ZZEF1: variants seen among roughly 807,000 people sequenced by gnomAD.
ZZEF1 encodes zinc finger ZZ-type and EF-hand domain-containing protein 1.
Under a neutral mutation model 342.8 loss-of-function variants are expected in ZZEF1, and 157 were observed. That is an observed-to-expected ratio of 0.46 (90% CI 0.40 to 0.52). The LOEUF (loss-of-function observed/expected upper bound fraction) is 0.52. Ranked by LOEUF, ZZEF1 falls within the 20% of genes least tolerant of loss-of-function variation. The probability of loss-of-function intolerance (pLI) is 0.00; values close to 1 mark genes in which losing one functional copy is unlikely to be tolerated. For synonymous variants in ZZEF1, 1,505 were observed against 1,429.1 expected (o/e 1.05, Z -1.20); for missense variants, 3,480 against 3,725.6 (o/e 0.93, Z 1.72).
chr17:4,034,233 G>A lies in ZZEF1; in HGVS notation c.6366C>T (p.Val2122=). Reference sequence around the variant, plus strand: ...CATTCAGGTGGCCTGCGTTTGAGATGACAACCTGAAACATGAGTGGAAGGA... The same window carrying A: ...CATTCAGGTGGCCTGCGTTTGAGATAACAACCTGAAACATGAGTGGAAGGA... The part of the protein sequence containing the change: ...EHVLPLMFQV[V]ISNAGHLNET... Residue 2122 remains valine (V), a synonymous_variant, in exon 40 of 55, where the codon GTC becomes GTT. Transcript: ENST00000381638. 1 of 1,614,216 alleles carries A rather than the reference G, an allele frequency of 6.2e-7. No homozygotes were observed. Among genetic ancestry groups the A allele is most frequent in the Non-Finnish European group, 8.5e-7 (1 of 1,180,038 alleles).
At position 4,136,648 on chromosome 17, in the gene ZZEF1, A is replaced by G. The variant is rs2145614097; in HGVS notation, c.354+5894T>C. ...AAACCCGCTGATGCCATTACAGGCTAATTACACACCCGTCCAGGTTGCTAT... is the reference window on the plus strand; with the variant it reads ...AAACCCGCTGATGCCATTACAGGCTGATTACACACCCGTCCAGGTTGCTAT... On this transcript the variant is annotated intron_variant, in intron 1 of 54. Transcript: ENST00000381638. Among the ~76,000 whole-genome samples, 4 of 152,220 alleles carry G rather than the reference A, an allele frequency of 2.6e-5. No homozygotes were observed. The Middle Eastern group carries it at 0.01, about 388-fold the overall frequency.
chr17:4,075,561 T>C (rs1429090867), intron 21 of ZZEF1, 132 bp from the exon 22 acceptor site: 2 of 958,752 alleles, frequency 2.1e-6, no homozygotes, highest in African/African-American at 1.6e-5. Flanking sequence ...GCAGGCAGGC[T>C]CGAAGACAAA....
chr17:4,064,987 C>T (rs1231103692), intron 28 of ZZEF1, among the ~76,000 whole-genome samples, 158 bp from the exon 29 acceptor site: 2 of 151,744 alleles, frequency 1.3e-5, no homozygotes, highest in South Asian at 2.1e-4. Context: ...TGTAACAAAC[C>T]GGCACGTTGT....
At chr17:4,015,755 C>T (rs2056083607) in intron 49 of ZZEF1, among the ~76,000 whole-genome samples, 1 of 152,194 alleles carries the variant, frequency 6.6e-6, no homozygotes, top group African/African-American at 2.4e-5. Flanking sequence ...CAGAGTGAGA[C>T]TCCGTCTCAA....
intron 2 of ZZEF1, among the ~76,000 whole-genome samples, chr17:4,123,268 C>CATATATATATATATATATAT (rs60101709): frequency 1.2e-5 from 1 of 85,340 alleles, no homozygotes; most frequent in Admixed American, 1.4e-4. Context: ...TTATCATAAC[C>CATATATATATATATATATAT]ATATATATAT....
In ZZEF1 at chr17:4,078,051, G is replaced by A; in HGVS notation, c.2830-9C>T. ...AGCATTAACAGCTCGCACTACAAGGGAGGAGACAAACAGAAAGTGTTCGTG... is the reference window on the plus strand; with the variant it reads ...AGCATTAACAGCTCGCACTACAAGGAAGGAGACAAACAGAAAGTGTTCGTG... On this transcript the variant is annotated splice_polypyrimidine_tract_variant and intron_variant, in intron 18 of 54. Coordinates refer to ENST00000381638, the MANE Select transcript of ZZEF1 (RefSeq NM_015113.4). 6.2e-7 allele frequency: 1 copy of A among 1,610,416 alleles called. No homozygotes were observed. The highest frequency in any genetic ancestry group is 2.2e-5 in the East Asian group (1 of 44,772).
chr17:4,100,901 A>C (rs1382331193), intron 9 of ZZEF1, among the ~76,000 whole-genome samples: 1 of 152,182 alleles, frequency 6.6e-6, no homozygotes, highest in Non-Finnish European at 1.5e-5. Context: ...AAAAATTCCA[A>C]ATCTTCAGCA....
intron 4 of ZZEF1, among the ~76,000 whole-genome samples, chr17:4,113,661 T>A (rs2058349688): frequency 8.1e-6 from 1 of 123,798 alleles, no homozygotes; most frequent in African/African-American, 3.2e-5. Context: ...CAAGGCTCCA[T>A]CTCAAAAAAA....
chr17:4,066,110 T>G lies in ZZEF1; in HGVS notation c.4249+337A>C, dbSNP rs570507063. ...TGAGCCCAGGAGTGGGAGGCTGCAG[T>G]GAGCTATATGACTGAACCACTGCAC... is the stretch of plus-strand genomic sequence containing the variant. On this transcript the variant is annotated intron_variant, in intron 28 of 54. Coordinates refer to ENST00000381638, the MANE Select transcript of ZZEF1 (RefSeq NM_015113.4). Among the ~76,000 whole-genome samples, 15 of 152,128 alleles carry G rather than the reference T, an allele frequency of 9.9e-5. No homozygotes were observed. In the South Asian group the frequency reaches 3.1e-3, roughly 32 times the overall value.
rs1309028042 is a variant in ZZEF1 at position 4,006,420 on chromosome 17, G to A, written c.*470C>T. Reference sequence around the variant, plus strand: ...AGGGGCTCTCGCCAGTTTTGGTTTGGTGTGAAAAGCAAAGAGGTGCTCCCA... The same window carrying A: ...AGGGGCTCTCGCCAGTTTTGGTTTGATGTGAAAAGCAAAGAGGTGCTCCCA... On this transcript the variant is annotated 3_prime_UTR_variant, in exon 55 of 55. Coordinates refer to ENST00000381638, the MANE Select transcript of ZZEF1 (RefSeq NM_015113.4). 1 of 231,446 alleles carries A rather than the reference G, an allele frequency of 4.3e-6. No individual in the cohort carries two copies. The highest frequency in any genetic ancestry group is 5.1e-5 in the South Asian group (1 of 19,626). The allele number at this position is 231,446 out of a possible 1,614,324, so 14.3% of individuals were successfully genotyped here.
At position 4,016,924 on chromosome 17, in the gene ZZEF1, G is replaced by C. The variant is rs2056118214; in HGVS notation, c.8001+447C>G. The C allele has an allele frequency of 5.1e-6, 1 of 195,334 alleles. No individual in the cohort carries two copies. The highest frequency in any genetic ancestry group is 1.1e-5 in the Non-Finnish European group (1 of 94,232). The allele number at this position is 195,334 out of a possible 1,614,324, so 12.1% of individuals were successfully genotyped here. ...CTCCCTCTGTCCCTTCCGAAAGATA[G>C]ATATGCTAGAGCAAGCCTGCCAGCA... On this transcript the variant is annotated intron_variant, in intron 48 of 54. Coordinates refer to ENST00000381638, the MANE Select transcript of ZZEF1 (RefSeq NM_015113.4). This position sits in a 1 kb window ranked among gnomAD's most constrained non-coding sequence, Gnocchi z 4.4.
At position 4,085,524 on chromosome 17, in the gene ZZEF1, A is replaced by G. The variant is rs1160263647; in HGVS notation, c.2646+146T>C. 7 of 925,354 alleles carry G rather than the reference A, an allele frequency of 7.6e-6. No homozygotes were observed. The East Asian group carries it at 8.0e-5, about 11-fold the overall frequency. 57.3% of individuals were successfully genotyped at this position (925,354 alleles called of 1,614,324 possible). A position where few individuals can be genotyped will look rare whatever the true frequency, so the allele number is the denominator to read the frequency against. On this transcript the variant is annotated intron_variant, in intron 16 of 54. Transcript: ENST00000381638. ...TCTGAGTGGAGTGCCATGTCCTTAG[A>G]TATCTGTCCCACACAAAGCTCTGCA...
intron 46 of ZZEF1, 144 bp downstream of exon 46, chr17:4,019,525 C>T: frequency 3.0e-6 from 2 of 666,418 alleles, no homozygotes; most frequent in Non-Finnish European, 5.1e-6. Context: ...CACCTCCCAC[C>T]TCGCCTTACA....
At chr17:4,051,146 A>G in intron 35 of ZZEF1, 103 bp from the exon 36 acceptor site, 2 of 1,481,120 alleles carry the variant, frequency 1.4e-6, no homozygotes, top group Non-Finnish European at 1.9e-6. Flanking sequence ...GCAACTGGGC[A>G]TTAGTCACCT....
chr17:4,044,374 C>T lies in ZZEF1; in HGVS notation c.6016G>A (p.Gly2006Arg). The T allele has an allele frequency of 2.5e-6, 4 of 1,600,840 alleles. No homozygotes were observed. The highest frequency in any genetic ancestry group is 1.7e-4 in the Middle Eastern group (1 of 5,986). The change falls in exon 38 of 55, where the codon GGA becomes AGA. Residue 2006 changes from glycine (G) to arginine (R), a missense_variant and splice_region_variant. Coordinates refer to ENST00000381638, the MANE Select transcript of ZZEF1 (RefSeq NM_015113.4). The stretch of plus-strand genomic sequence containing the variant: ...ATTTCCTCATGAACAGCTCTCTTTC[C>T]CTAAAAAAACAAAAGTGTAAAAGAA... ...QGAELSEAGN[G>R]KRAVHEEIRP...
intron 34 of ZZEF1, among the ~76,000 whole-genome samples, chr17:4,052,884 G>GA (rs2057081004): frequency 1.3e-5 from 2 of 151,774 alleles, no homozygotes; most frequent in African/African-American, 4.9e-5. Flanking sequence ...CGGCGGGGGA[G>GA]AAAAAACCAG....
At chr17:4,112,554 G>C in intron 5 of ZZEF1, 55 bp downstream of exon 5, 1 of 1,578,530 alleles carries the variant, frequency 6.3e-7, no homozygotes, top group Non-Finnish European at 8.7e-7. Context: ...TCACTTCAAA[G>C]TAAAAAATAC....
intron 39 of ZZEF1, among the ~76,000 whole-genome samples, chr17:4,039,092 T>A (rs536341392): frequency 6.6e-6 from 1 of 151,222 alleles, no homozygotes; most frequent in East Asian, 1.9e-4. Flanking sequence ...TTTTAAAAAG[T>A]CAACTTAATG....
intron 46 of ZZEF1, among the ~76,000 whole-genome samples, chr17:4,019,371 G>T (rs541245677): frequency 2.6e-5 from 4 of 152,136 alleles, no homozygotes; most frequent in Non-Finnish European, 5.9e-5. Flanking sequence ...CTGCTCCCTG[G>T]GATTACACAT....
Sources: allele counts gnomAD v4.1 joint callset (sites outside exome capture counted in the v4.1 genomes callset), GRCh38; gene constraint gnomAD v4.1.1; non-coding constraint Gnocchi (gnomAD v3.1); transcripts MANE v1.5; gene names NCBI Gene and HGNC (gene_info 2026-07-23, HGNC 2026-07-21).